The following NOTCH3 variants were observed in gnomAD, a reference collection of about 807,000 sequenced individuals.
NOTCH3 encodes notch receptor 3, also known as neurogenic locus notch homolog protein 3.
NOTCH3 carries 86 observed loss-of-function variants against 213.3 expected under a neutral mutation model. The observed-to-expected ratio is 0.40, with a 90% CI of 0.34 to 0.48. NOTCH3 has a LOEUF of 0.48. Among genes scored for constraint, NOTCH3 ranks in the 20% least tolerant of loss-of-function variants. NOTCH3 has a pLI of 0.57. For missense variants in NOTCH3, 2,783 were observed against 3,272.6 expected, an observed-to-expected ratio of 0.85 and a Z score of 3.65; for synonymous variants, 1,354 against 1,355.9, an observed-to-expected ratio of 1.00 and a Z score of 0.03.
chr19:15,200,742 C>T, intron 1 of NOTCH3, 46 bp downstream of exon 1: 1 of 1,231,198 alleles, frequency 8.1e-7, no homozygotes, highest in Non-Finnish European at 1.0e-6. Flanking sequence ...TTCTTGCACT[C>T]CCCCTCTGCC....
Position 15,185,533 on chromosome 19 carries a change from C to T in NOTCH3, c.2098G>A (p.Ala700Thr), listed in dbSNP as rs765087384. 2.4e-5 allele frequency: 38 copies of T among 1,612,842 alleles called. No individual in the cohort carries two copies. Among genetic ancestry groups the T allele is most frequent in the Admixed American group, 5.0e-5 (3 of 59,916 alleles). ...ATGCCGTGACTGCAGGGCTCATGGG[C>T]ACAGGGATGGCTCGGGGGGAGGCAG... ...PLCLPPSHPC[A>T]HEPCSHGICY... Residue 700 changes from alanine to threonine, a missense_variant, in exon 13 of 33, where the codon GCC becomes ACC. Around this residue, in one of 6 missense-constraint regions of NOTCH3, gnomAD observed 861 missense variants for 909.1 expected, o/e 0.95. Transcript: ENST00000263388. The surrounding 1 kb of genome is among the most constrained non-coding windows in gnomAD (Gnocchi z 4.2).
At chr19:15,195,258 C>T (rs1486170509) in intron 2 of NOTCH3, among the ~76,000 whole-genome samples, 1 of 152,152 alleles carries the variant, frequency 6.6e-6, no homozygotes, top group Non-Finnish European at 1.5e-5. Flanking sequence ...ACTGACACCA[C>T]TGTTGGTACC....
chr19:15,184,207 G>C (rs1479571569), intron 16 of NOTCH3, 88 bp downstream of exon 16: 2 of 1,313,354 alleles, frequency 1.5e-6, no homozygotes, highest in African/African-American at 1.4e-5. Context: ...CTGTGAAGAT[G>C]AAATGACAGC....
intron 32 of NOTCH3, 140 bp downstream of exon 32, chr19:15,162,324 CA>C: frequency 1.3e-6 from 1 of 752,418 alleles, no homozygotes; most frequent in South Asian, 1.6e-5. Flanking sequence ...CTTTAGTCAC[CA>C]AAGTAAATTA....
intron 16 of NOTCH3, among the ~76,000 whole-genome samples, chr19:15,184,018 CAG>C (rs1442268284): frequency 1.8e-5 from 2 of 113,804 alleles, no homozygotes; most frequent in Non-Finnish European, 3.2e-5. Context: ...ACTCCAGCGA[CAG>C]AGCTAAGACT....
chr19:15,196,346 C>A (rs907796819), intron 2 of NOTCH3, among the ~76,000 whole-genome samples: 2 of 151,774 alleles, frequency 1.3e-5, no homozygotes, highest in African/African-American at 2.4e-5. Flanking sequence ...TTTTCCCCAT[C>A]CCGCCCCACC....
In NOTCH3 at chr19:15,165,683, T is replaced by C. The variant is rs532288949; in HGVS notation, c.5667+104A>G. The C allele has an allele frequency of 6.9e-6, 10 of 1,440,490 alleles. No individual in the cohort carries two copies. In the South Asian group the frequency reaches 1.1e-4, roughly 15 times the overall value. 89.2% of individuals were successfully genotyped at this position (1,440,490 alleles called of 1,614,324 possible). On this transcript the variant is annotated intron_variant, in intron 30 of 32. Transcript: ENST00000263388. The surrounding 1 kb of genome is among the most constrained non-coding windows in gnomAD (Gnocchi z 4.7). ...ACTGTATTCCCATATATCCCCATTTTCCAAATGAGAAAAAATGAGTCTGAA... is the reference window on the plus strand; with the variant it reads ...ACTGTATTCCCATATATCCCCATTTCCCAAATGAGAAAAAATGAGTCTGAA...
chr19:15,169,186 GTCTCTCTCTCTCTC>G (rs56916343), intron 28 of NOTCH3, among the ~76,000 whole-genome samples: 95 of 146,742 alleles, frequency 6.5e-4, no homozygotes, highest in African/African-American at 2.2e-3. Context: ...TGTCAAATCT[GTCTCTCTCTCTCTC>G]TCTCTCTCTC....
intron 16 of NOTCH3, among the ~76,000 whole-genome samples, chr19:15,182,799 C>T (rs1340932642): frequency 1.3e-5 from 2 of 152,014 alleles, no homozygotes; most frequent in Non-Finnish European, 2.9e-5. Flanking sequence ...TGTGCCACCA[C>T]GCCCAGCTAA....
chr19:15,179,438 T>A lies in NOTCH3; in HGVS notation c.3386A>T (p.Gln1129Leu). Residue 1129 changes from glutamine to leucine, a missense_variant, in exon 21 of 33, where the codon CAG becomes CTG. Coordinates refer to ENST00000263388, the MANE Select transcript of NOTCH3 (RefSeq NM_000435.3). ...CEDDVDECASQPCQHGGSCID... is the reference protein window; with the variant it reads ...CEDDVDECASLPCQHGGSCID... ...GCATGAACCCCCGTGCTGGCAGGGCTGGGAGGCACACTCGTCCACGTCGTC... is the reference window on the plus strand; with the variant it reads ...GCATGAACCCCCGTGCTGGCAGGGCAGGGAGGCACACTCGTCCACGTCGTC... 1 of 1,614,080 alleles carries A rather than the reference T, an allele frequency of 6.2e-7. No homozygotes were observed. Among genetic ancestry groups the A allele is most frequent in the Non-Finnish European group, 8.5e-7 (1 of 1,180,018 alleles).
rs775964142 is a variant in NOTCH3 at position 15,181,104 on chromosome 19, G to A, written c.2851C>T (p.Arg951Cys). The change falls in exon 18 of 33, where the codon CGT becomes TGT. Residue 951 changes from arginine to cysteine, a missense_variant. Arg to Cys is a radical substitution (Grantham distance 180). Coordinates refer to ENST00000263388, the MANE Select transcript of NOTCH3 (RefSeq NM_000435.3). Reference protein sequence around the residue: ...DGVNSFSCLCRPGYTGAHCQH... With the variant: ...DGVNSFSCLCCPGYTGAHCQH... The stretch of plus-strand genomic sequence containing the variant: ...CAGTGGGCTCCTGTGTAGCCGGGAC[G>A]GCACAGGCAGCTGAACGAGTTCACG... The A allele has an allele frequency of 3.7e-6, 6 of 1,609,692 alleles. No individual in the cohort carries two copies. The highest frequency in any genetic ancestry group is 3.3e-5 in the South Asian group (3 of 90,308).
chr19:15,161,368 G>A lies in NOTCH3; in HGVS notation c.6260C>T (p.Ala2087Val), dbSNP rs2145382342. ...PRGRGKKLTL[A>V]CPGPLADSSV... ...GCTGTCAGCCAGGGGGCCCGGGCAG[G>A]CCAGCGTCAGCTTCTTGCCCCGCCC... Residue 2087 changes from alanine to valine, a missense_variant, in exon 33 of 33, where the codon GCC (alanine) becomes GTC (valine). Ala to Val is a moderately conservative substitution (Grantham distance 64). Transcript: ENST00000263388. 6.6e-7 allele frequency: 1 copy of A among 1,525,044 alleles called. No individual in the cohort carries two copies. The highest frequency in any genetic ancestry group is 8.8e-7 in the Non-Finnish European group (1 of 1,138,140). 94.5% of individuals were successfully genotyped at this position (1,525,044 alleles called of 1,614,324 possible).
chr19:15,181,320 G>T (rs1394828846), intron 17 of NOTCH3, among the ~76,000 whole-genome samples, 158 bp from the exon 18 acceptor site: 1 of 152,178 alleles, frequency 6.6e-6, no homozygotes, highest in Non-Finnish European at 1.5e-5. Context: ...AGGTCCCTTA[G>T]CTCCAATTCA....
In NOTCH3 at chr19:15,185,086, A is replaced by G. The variant is rs2046870142; in HGVS notation, c.2297-67T>C. 3 of 1,150,530 alleles carry G rather than the reference A, an allele frequency of 2.6e-6. No individual in the cohort carries two copies. Among genetic ancestry groups the G allele is most frequent in the Non-Finnish European group, 3.7e-6 (3 of 809,462 alleles). 71.3% of individuals were successfully genotyped at this position (1,150,530 alleles called of 1,614,324 possible). On this transcript the variant is annotated intron_variant, in intron 14 of 32. Coordinates refer to ENST00000263388, the MANE Select transcript of NOTCH3 (RefSeq NM_000435.3). This position sits in a 1 kb window ranked among gnomAD's most constrained non-coding sequence, Gnocchi z 4.2. ...GGACTCCCTGATCCCATCTCCCCCC[A>G]CCTCCCCCAACCCCAGGGTCCCCAC...
At position 15,185,111 on chromosome 19, in the gene NOTCH3, C is replaced by T. The variant is rs2046870353; in HGVS notation, c.2297-92G>A. On this transcript the variant is annotated intron_variant, in intron 14 of 32. Coordinates refer to ENST00000263388, the MANE Select transcript of NOTCH3 (RefSeq NM_000435.3). The surrounding 1 kb of genome is among the most constrained non-coding windows in gnomAD (Gnocchi z 4.2). ...ACCTCCCCCAACCCCAGGGTCCCCA[C>T]CTTGATACCCACCTCCCAAGCTCCT... 7 of 1,300,484 alleles carry T rather than the reference C, an allele frequency of 5.4e-6. No individual in the cohort carries two copies. In the South Asian group the frequency reaches 8.3e-5, roughly 15 times the overall value. 80.6% of individuals were successfully genotyped at this position (1,300,484 alleles called of 1,614,324 possible).
chr19:15,197,441 G>GGCCCCCC, intron 2 of NOTCH3, 59 bp downstream of exon 2: 4 of 768,360 alleles, frequency 5.2e-6, no homozygotes, highest in East Asian at 2.7e-5. Context: ...AAGACAAATC[G>GGCCCCCC]CCCCTCCCCC....
At chr19:15,171,033 A>G (rs972486103) in intron 25 of NOTCH3, among the ~76,000 whole-genome samples, 3 of 152,142 alleles carry the variant, frequency 2.0e-5, no homozygotes, top group African/African-American at 7.2e-5. Context: ...CCCCAGAGCC[A>G]TGAATCCAAT....
At position 15,165,173 on chromosome 19, in the gene NOTCH3, C is replaced by A. The variant is rs1218097047; in HGVS notation, c.5815+195G>T. Among the ~76,000 whole-genome samples, 1 of 152,158 alleles carries A rather than the reference C, an allele frequency of 6.6e-6. No homozygotes were observed. Among genetic ancestry groups the A allele is most frequent in the African/African-American group, 2.4e-5 (1 of 41,432 alleles). The stretch of plus-strand genomic sequence containing the variant: ...AAATGAAGTATCTAGGGGAAAGGCA[C>A]CTTTTTCTAAATCCCTGAGGCACCC... On this transcript the variant is annotated intron_variant, in intron 31 of 32. Transcript: ENST00000263388. This position sits in a 1 kb window ranked among gnomAD's most constrained non-coding sequence, Gnocchi z 4.7.
Position 15,165,313 on chromosome 19 carries a change from C to G in NOTCH3, c.5815+55G>C, listed in dbSNP as rs950856364. 6.3e-7 allele frequency: 1 copy of G among 1,578,630 alleles called. No individual in the cohort carries two copies. The highest frequency in any genetic ancestry group is 8.6e-7 in the Non-Finnish European group (1 of 1,160,346). Reference sequence around the variant, plus strand: ...GGTATGAATTTGCACCAACATGACCCTCAGGGCCCAGGTGACACCAACCCA... The same window carrying G: ...GGTATGAATTTGCACCAACATGACCGTCAGGGCCCAGGTGACACCAACCCA... On this transcript the variant is annotated intron_variant, in intron 31 of 32. Coordinates refer to ENST00000263388, the MANE Select transcript of NOTCH3 (RefSeq NM_000435.3). This position sits in a 1 kb window ranked among gnomAD's most constrained non-coding sequence, Gnocchi z 4.7.
Sources: gnomAD v4.1 joint callset for allele counts (sites outside exome capture counted in the v4.1 genomes callset) on GRCh38, gnomAD v4.1.1 for gene constraint, gnomAD v4.1.1 regional missense constraint, Gnocchi (gnomAD v3.1) non-coding constraint, MANE v1.5 for transcripts, NCBI Gene and HGNC (gene_info 2026-07-23, HGNC 2026-07-21) for gene names.